The following XXYLT1 variants were observed in gnomAD, a reference collection of about 807,000 sequenced individuals.
XXYLT1 encodes UDP-xylose:alpha-xyloside alpha-1,3-xylosyltransferase.
XXYLT1 carries 20 observed loss-of-function variants against 28.9 expected under a neutral mutation model. The observed-to-expected ratio is 0.69, with a 90% CI of 0.49 to 1.00. The LOEUF (loss-of-function observed/expected upper bound fraction) is 1.00, where lower values mean the gene tolerates loss of function less well. Among genes scored for constraint, XXYLT1 ranks in the 50% least tolerant of loss-of-function variants. The pLI is 0.00. For synonymous variants in XXYLT1, 257 were observed against 253.8 expected, an observed-to-expected ratio of 1.01 and a Z score of -0.12; for missense variants, 542 against 560.1, an observed-to-expected ratio of 0.97 and a Z score of 0.33.
intron 2 of XXYLT1, among the ~76,000 whole-genome samples, chr3:195,186,730 A>G (rs1722212319): frequency 6.6e-6 from 1 of 151,598 alleles, no homozygotes; most frequent in South Asian, 2.1e-4. Flanking sequence ...TGTACATTCC[A>G]TGAGGACAGA....
chr3:195,102,088 G>A, intron 3 of XXYLT1, among the ~76,000 whole-genome samples: 1 of 145,348 alleles, frequency 6.9e-6, no homozygotes, highest in East Asian at 2.1e-4. Flanking sequence ...GGGAAAGGGA[G>A]GGGAGGGGAG....
At position 195,069,567 on chromosome 3, in the gene XXYLT1, C is replaced by A. The variant is rs550994087; in HGVS notation, c.*148G>T. 1.0e-4 allele frequency: 123 copies of A among 1,231,974 alleles called. No individual in the cohort carries two copies. The highest frequency in any genetic ancestry group is 1.3e-4 in the Non-Finnish European group (120 of 894,606). 76.3% of individuals were successfully genotyped at this position (1,231,974 alleles called of 1,614,324 possible). On this transcript the variant is annotated 3_prime_UTR_variant, in exon 4 of 4. Coordinates refer to ENST00000310380, the MANE Select transcript of XXYLT1 (RefSeq NM_152531.5). ...TTGGCGGGTGGCCTCAGCACAGTGA[C>A]CTGCCCGGCAGGAGGTCTCAGCACC...
At position 195,077,429 on chromosome 3, in the gene XXYLT1, T is replaced by C. The variant is rs1418142096; in HGVS notation, c.786-7318A>G. Among the ~76,000 whole-genome samples the C allele has an allele frequency of 6.6e-6, 1 of 152,172 alleles. No individual in the cohort carries two copies. The highest frequency in any genetic ancestry group is 1.5e-5 in the Non-Finnish European group (1 of 68,004). On this transcript the variant is annotated intron_variant, in intron 3 of 3. Transcript: ENST00000310380. The surrounding 1 kb of genome is among the most constrained non-coding windows in gnomAD (Gnocchi z 4.8). ...CCTGAGGAGCAGCCCTGCCTGTCCC[T>C]GTAGGTGCTCAGCCTCTGCAGAGCT...
intron 2 of XXYLT1, among the ~76,000 whole-genome samples, chr3:195,216,998 C>T (rs1199732628): frequency 7.7e-6 from 1 of 129,596 alleles, no homozygotes; most frequent in African/African-American, 3.7e-5. Flanking sequence ...GGATGCAAGG[C>T]TGGTTCAATA....
chr3:195,270,954 G>A lies in XXYLT1; in HGVS notation c.105C>T (p.Val35=). 6.7e-7 allele frequency: 1 copy of A among 1,489,052 alleles called. No individual in the cohort carries two copies. The highest frequency in any genetic ancestry group is 8.9e-7 in the Non-Finnish European group (1 of 1,122,150). The allele number at this position is 1,489,052 out of a possible 1,614,324, so 92.2% of individuals were successfully genotyped here. A position where few individuals can be genotyped will look rare whatever the true frequency, so the allele number is the denominator to read the frequency against. ...CALLLAAALA[V]CAFYYLGSGR... is the part of the protein sequence containing the mutation. The stretch of plus-strand genomic sequence containing the variant: ...CTGAGCCGAGGTAGTAGAAGGCGCA[G>A]ACGGCCAGCGCCGCGGCCAGCAGCA... Residue 35 remains valine (V), a synonymous_variant, in exon 1 of 4, where the codon GTC becomes GTT. Transcript: ENST00000310380.
chr3:195,175,851 G>T (rs982732567), intron 2 of XXYLT1: 4 of 1,415,508 alleles, frequency 2.8e-6, no homozygotes, highest in Non-Finnish European at 3.7e-6. Context: ...AAAGGAAGAT[G>T]TCCTAGAAAG....
chr3:195,096,995 G>A (rs914815071), intron 3 of XXYLT1, among the ~76,000 whole-genome samples: 10 of 152,362 alleles, frequency 6.6e-5, no homozygotes, highest in East Asian at 3.9e-4. Flanking sequence ...TGCGCTGAGC[G>A]CTGGGCAAAG....
rs1715196456 is a variant in XXYLT1 at position 195,077,625 on chromosome 3, C to T, written c.786-7514G>A. On this transcript the variant is annotated intron_variant, in intron 3 of 3. Coordinates refer to ENST00000310380, the MANE Select transcript of XXYLT1 (RefSeq NM_152531.5). This position sits in a 1 kb window ranked among gnomAD's most constrained non-coding sequence, Gnocchi z 4.8. ...ATGACCAGCCCATCTCTGTGGGGCCCTGTAAAGCGCGGCCTGGGGCTGGAC... is the reference window on the plus strand; with the variant it reads ...ATGACCAGCCCATCTCTGTGGGGCCTTGTAAAGCGCGGCCTGGGGCTGGAC... Among the ~76,000 whole-genome samples the T allele has an allele frequency of 2.0e-5, 3 of 152,228 alleles. No homozygotes were observed. Among genetic ancestry groups the T allele is most frequent in the South Asian group, 2.1e-4 (1 of 4,834 alleles).
In XXYLT1 at chr3:195,124,758, C is replaced by T. The variant is rs1189244727; in HGVS notation, c.785+31691G>A. Among the ~76,000 whole-genome samples, 4 of 152,180 alleles carry T rather than the reference C, an allele frequency of 2.6e-5. No individual in the cohort carries two copies. Among genetic ancestry groups the T allele is most frequent in the Non-Finnish European group, 5.9e-5 (4 of 68,026 alleles). On this transcript the variant is annotated intron_variant, in intron 3 of 3. Coordinates refer to ENST00000310380, the MANE Select transcript of XXYLT1 (RefSeq NM_152531.5). This position sits in a 1 kb window ranked among gnomAD's most constrained non-coding sequence, Gnocchi z 4.1. ...ACAAGACTGCCCTCGCTGGCCGGGA[C>T]ACAGTCAGCCAGGTTCCAGGGACCA...
chr3:195,072,747 CA>C (rs1560079167), intron 3 of XXYLT1, among the ~76,000 whole-genome samples: 1 of 152,182 alleles, frequency 6.6e-6, no homozygotes, highest in African/African-American at 2.4e-5. Context: ...AAGCGATGTT[CA>C]GGGGGCCCTT....
chr3:195,100,168 C>G (rs374295858), intron 3 of XXYLT1, among the ~76,000 whole-genome samples: 14 of 152,154 alleles, frequency 9.2e-5, no homozygotes, highest in Admixed American at 2.0e-4. Flanking sequence ...CTGCTTCATG[C>G]GACAGGCAAG....
chr3:195,127,264 C>T (rs963092536), intron 3 of XXYLT1, among the ~76,000 whole-genome samples: 26 of 152,126 alleles, frequency 1.7e-4, no homozygotes, highest in African/African-American at 5.3e-4. Context: ...GTACCTCACA[C>T]GGCGGATTTG....
chr3:195,112,899 C>A, intron 3 of XXYLT1, among the ~76,000 whole-genome samples: 1 of 152,224 alleles, frequency 6.6e-6, no homozygotes, highest in East Asian at 1.9e-4. Context: ...ACACGCAGCC[C>A]CCAGCCTCCA....
intron 2 of XXYLT1, among the ~76,000 whole-genome samples, chr3:195,189,043 C>T (rs1447205261): frequency 6.6e-6 from 1 of 152,082 alleles, no homozygotes; most frequent in Non-Finnish European, 1.5e-5. Context: ...TGAGCACTTA[C>T]TATGTGCCAG....
At chr3:195,140,841 G>C (rs1719447605) in intron 3 of XXYLT1, among the ~76,000 whole-genome samples, 1 of 152,148 alleles carries the variant, frequency 6.6e-6, no homozygotes, top group African/African-American at 2.4e-5. Flanking sequence ...TTCAATATGA[G>C]ATTTGGGTGG....
chr3:195,265,836 C>T (rs1036594767), intron 1 of XXYLT1, among the ~76,000 whole-genome samples: 16 of 152,136 alleles, frequency 1.1e-4, no homozygotes, highest in African/African-American at 3.9e-4. Context: ...TGGAAGGAGC[C>T]GAGGACCGTG....
In XXYLT1 at chr3:195,247,780, C is replaced by G. The variant is rs180889015; in HGVS notation, c.505-20924G>C. On this transcript the variant is annotated intron_variant, in intron 1 of 3. Transcript: ENST00000310380. ...AGGTTTGATGGACTCACAGTTCTGC[C>G]TGGCTGGGGAGGCCTCAGGAAACAC... 4.3e-4 allele frequency: 300 copies of G among 702,502 alleles called. 6 individuals carry two copies. Among genetic ancestry groups the G allele is most frequent in the African/African-American group, 4.1e-3 (234 of 57,364 alleles). The allele number at this position is 702,502 out of a possible 1,614,324, so 43.5% of individuals were successfully genotyped here.
intron 2 of XXYLT1, among the ~76,000 whole-genome samples, chr3:195,165,125 T>C (rs771264440): frequency 3.3e-5 from 5 of 152,168 alleles, no homozygotes; most frequent in Non-Finnish European, 7.3e-5. Flanking sequence ...TGAAGGTCTC[T>C]GTATTCTGGC....
chr3:195,156,789 C>T (rs1720619753), intron 2 of XXYLT1, among the ~76,000 whole-genome samples: 1 of 152,228 alleles, frequency 6.6e-6, no homozygotes, highest in Non-Finnish European at 1.5e-5. Context: ...CTACCCGTGT[C>T]TTTTCTTCCA....
Sources: allele counts gnomAD v4.1 joint callset (sites outside exome capture counted in the v4.1 genomes callset), GRCh38; gene constraint gnomAD v4.1.1; non-coding constraint Gnocchi (gnomAD v3.1); transcripts MANE v1.5; gene names NCBI Gene and HGNC (gene_info 2026-07-23, HGNC 2026-07-21).